The following OPCML variants were observed in gnomAD, a reference collection of about 807,000 sequenced individuals.
OPCML encodes the protein opioid binding protein/cell adhesion molecule like, also known as opioid-binding protein/cell adhesion molecule.
OPCML carries 13 observed loss-of-function variants against 37.8 expected under a neutral mutation model. That is an observed-to-expected ratio of 0.34 (90% confidence interval 0.22 to 0.55). The LOEUF (loss-of-function observed/expected upper bound fraction) is 0.55. Ranked by LOEUF, OPCML falls within the 20% of genes least tolerant of loss-of-function variation. The pLI, the probability that OPCML is intolerant of heterozygous loss-of-function variation, is 0.91. For missense variants in OPCML, 341 were observed against 435.6 expected, an observed-to-expected ratio of 0.78 and a Z score of 1.93; for synonymous variants, 176 against 168.8, an observed-to-expected ratio of 1.04 and a Z score of -0.33.
intron 1 of OPCML, among the ~76,000 whole-genome samples, chr11:133,530,732 A>T (rs1748618585): frequency 6.6e-6 from 1 of 152,218 alleles, no homozygotes; most frequent in African/African-American, 2.4e-5. Flanking sequence ...GAACATGGTT[A>T]TGCAGAGCCC....
chr11:132,678,290 C>T lies in OPCML; in HGVS notation c.147-20971G>A, dbSNP rs191459630. Among the ~76,000 whole-genome samples, 213 of 152,238 alleles carry T rather than the reference C, an allele frequency of 1.4e-3. 1 individual carries two copies. The highest frequency in any genetic ancestry group is 4.2e-3 in the African/African-American group (173 of 41,532). Reference sequence around the variant, plus strand: ...AGCAACAGGAACTCTCCTTCATTGCCGGTAGGAATGCAAAATGATATGGCC... The same window carrying T: ...AGCAACAGGAACTCTCCTTCATTGCTGGTAGGAATGCAAAATGATATGGCC... On this transcript the variant is annotated intron_variant, in intron 2 of 7. Transcript: ENST00000524381.
chr11:132,655,897 T>A (rs1591681574), intron 3 of OPCML, among the ~76,000 whole-genome samples: 2 of 142,048 alleles, frequency 1.4e-5, no homozygotes, highest in Admixed American at 7.1e-5. Context: ...AGATGAGGAA[T>A]CTATCTTAGC....
intron 1 of OPCML, among the ~76,000 whole-genome samples, chr11:133,278,512 T>A (rs1210582142): frequency 6.6e-6 from 1 of 152,120 alleles, no homozygotes; most frequent in Non-Finnish European, 1.5e-5. Flanking sequence ...CTTCTCTCAT[T>A]ACGTTCTTAT....
At chr11:133,297,332 C>T (rs1942655486) in intron 1 of OPCML, 1 of 152,110 alleles carries the variant, frequency 6.6e-6, no homozygotes, top group Admixed American at 6.5e-5. Flanking sequence ...CAAGTAAAAC[C>T]CAAGTTTTAA....
At chr11:132,485,599 A>G (rs2096197293) in intron 4 of OPCML, among the ~76,000 whole-genome samples, 2 of 152,162 alleles carry the variant, frequency 1.3e-5, no homozygotes, top group Admixed American at 1.3e-4. Flanking sequence ...TTCTCCTACT[A>G]TGACTTAGCG....
At chr11:132,695,866 A>T (rs1943581544) in intron 2 of OPCML, among the ~76,000 whole-genome samples, 1 of 152,236 alleles carries the variant, frequency 6.6e-6, no homozygotes, top group Admixed American at 6.5e-5. Flanking sequence ...GCCACTCCTC[A>T]GGAGAGTGCT....
intron 1 of OPCML, among the ~76,000 whole-genome samples, chr11:133,080,240 A>G (rs1948689782): frequency 1.3e-5 from 2 of 152,246 alleles, no homozygotes; most frequent in Middle Eastern, 6.8e-3. Flanking sequence ...CTCAGACTCC[A>G]GTGTGTCCCC....
intron 3 of OPCML, among the ~76,000 whole-genome samples, chr11:132,553,719 T>A (rs1249481571): frequency 1.3e-5 from 2 of 152,210 alleles, no homozygotes; most frequent in Admixed American, 6.5e-5. Context: ...TTATCTAGAA[T>A]ATTCACTCAT....
rs1943134778 is a variant in OPCML, at chr11:132,879,204, A to G, written c.146+63722T>C. Among the ~76,000 whole-genome samples the G allele has an allele frequency of 2.6e-5, 4 of 152,228 alleles. No individual in the cohort carries two copies. The South Asian group carries it at 8.3e-4, about 32-fold the overall frequency. ...TTTCACACATATTTATAGAGCGTCT[A>G]CTATATGGCAGCCATTCTAGGCACC... On this transcript the variant is annotated intron_variant, in intron 2 of 7. Coordinates refer to ENST00000524381, the MANE Select transcript of OPCML (RefSeq NM_001012393.5).
chr11:133,521,739 C>T (rs1948402011), intron 1 of OPCML, among the ~76,000 whole-genome samples: 1 of 152,244 alleles, frequency 6.6e-6, no homozygotes, highest in Non-Finnish European at 1.5e-5. Context: ...TGGGCTATTT[C>T]CATCTGCCAC....
intron 4 of OPCML, among the ~76,000 whole-genome samples, chr11:132,439,366 G>C (rs2096024117): frequency 6.6e-6 from 1 of 152,194 alleles, no homozygotes; most frequent in Non-Finnish European, 1.5e-5. Context: ...TTTCAAGAAA[G>C]AAACTCCAGA....
At chr11:132,448,263 T>C (rs1387872225) in intron 4 of OPCML, among the ~76,000 whole-genome samples, 1 of 152,240 alleles carries the variant, frequency 6.6e-6, no homozygotes, top group Non-Finnish European at 1.5e-5. Context: ...CCTATATTAG[T>C]TCCTGGCATC....
At chr11:133,381,593 T>G (rs1179970409) in intron 1 of OPCML, among the ~76,000 whole-genome samples, 3 of 151,852 alleles carry the variant, frequency 2.0e-5, no homozygotes, top group Non-Finnish European at 4.4e-5. Context: ...CTGGAGAAAG[T>G]GTGGAGTGTG....
At chr11:132,562,557 A>T (rs2096412903) in intron 3 of OPCML, among the ~76,000 whole-genome samples, 2 of 152,096 alleles carry the variant, frequency 1.3e-5, no homozygotes, top group South Asian at 4.2e-4. Context: ...CCAAAACTAC[A>T]TGCCTATGCT....
chr11:132,437,324 C>G lies in OPCML; in HGVS notation c.541G>C (p.Glu181Gln), dbSNP rs1201351699. ...TGGTCTCGCTTGATGTCAGAGATCT[C>G]CAGGTACTCATCCTCACTTACAAAG... ...QGFVSEDEYL[E>Q]ISDIKRDQSG... Residue 181 changes from glutamate to glutamine, a missense_variant, in exon 5 of 8, where the codon GAG (glutamate) becomes CAG (glutamine). Coordinates refer to ENST00000524381, the MANE Select transcript of OPCML (RefSeq NM_001012393.5). The G allele has an allele frequency of 4.3e-6, 7 of 1,614,062 alleles. No individual in the cohort carries two copies. In the African/African-American group the frequency reaches 9.3e-5, roughly 22 times the overall value.
chr11:132,629,969 A>T (rs1939992908), intron 3 of OPCML, among the ~76,000 whole-genome samples: 1 of 152,220 alleles, frequency 6.6e-6, no homozygotes, highest in Non-Finnish European at 1.5e-5. Context: ...GTATGAACGA[A>T]TTGTACATTA....
At chr11:133,487,452 C>G (rs1825034896) in intron 1 of OPCML, among the ~76,000 whole-genome samples, 1 of 152,164 alleles carries the variant, frequency 6.6e-6, no homozygotes, top group Non-Finnish European at 1.5e-5. Context: ...TAAAACATAA[C>G]TGTCTCTGAG....
intron 1 of OPCML, among the ~76,000 whole-genome samples, chr11:133,103,715 C>T (rs1949118223): frequency 6.6e-6 from 1 of 152,192 alleles, no homozygotes; most frequent in Non-Finnish European, 1.5e-5. Context: ...TCACTATTAC[C>T]TACAGGCCTT....
At chr11:132,910,862 T>C (rs916188066) in intron 2 of OPCML, among the ~76,000 whole-genome samples, 4 of 152,186 alleles carry the variant, frequency 2.6e-5, no homozygotes, top group East Asian at 1.9e-4. Flanking sequence ...CTCAGGACCA[T>C]TGTGGCTGCA....
Sources: gnomAD v4.1 joint callset for allele counts (sites outside exome capture counted in the v4.1 genomes callset) on GRCh38, gnomAD v4.1.1 for gene constraint, MANE v1.5 for transcripts, NCBI Gene and HGNC (gene_info 2026-07-23, HGNC 2026-07-21) for gene names.